Variants in SFSWAP observed in about 807,000 individuals in gnomAD.
The protein encoded by SFSWAP is splicing factor, suppressor of white-apricot homolog.
In SFSWAP, 17 loss-of-function variants were observed where a neutral mutation model predicts 100.7. The observed-to-expected ratio is 0.17, with a 90% CI of 0.12 to 0.25. The LOEUF (loss-of-function observed/expected upper bound fraction) is 0.25, where lower values mean the gene tolerates loss of function less well. SFSWAP is among the 10% of genes least tolerant of loss of function. SFSWAP has a pLI of 1.00. For missense variants in SFSWAP, 1,005 were observed against 1,262.6 expected (o/e 0.80, Z 3.09); for synonymous variants, 504 against 510.1 (o/e 0.99, Z 0.16).
At chr12:131,729,347 T>G (rs1227516342) in intron 7 of SFSWAP, among the ~76,000 whole-genome samples, 1 of 150,844 alleles carries the variant, frequency 6.6e-6, no homozygotes, top group Non-Finnish European at 1.5e-5. Context: ...TGACAAAAAA[T>G]AAAAAAAAAT....
At chr12:131,799,346 CGTT>C in intron 17 of SFSWAP, 74 bp from the exon 18 acceptor site, 1 of 1,458,364 alleles carries the variant, frequency 6.9e-7, no homozygotes, top group Non-Finnish European at 9.6e-7. Flanking sequence ...ACCACCAACT[CGTT>C]GATGAATTTC....
At chr12:131,713,998 A>G in intron 1 of SFSWAP, 73 bp from the exon 2 acceptor site, 4 of 1,065,856 alleles carry the variant, frequency 3.8e-6, no homozygotes, top group Non-Finnish European at 2.8e-6. Context: ...ATATATACAT[A>G]TATAAAACAT....
At chr12:131,762,746 G>A (rs1420922803) in intron 11 of SFSWAP, among the ~76,000 whole-genome samples, 5 of 152,010 alleles carry the variant, frequency 3.3e-5, no homozygotes, top group Admixed American at 6.6e-5. Context: ...GATTACAGGC[G>A]CCCGCCACCA....
At chr12:131,735,735 C>T (rs1344222615) in intron 7 of SFSWAP, among the ~76,000 whole-genome samples, 2 of 152,248 alleles carry the variant, frequency 1.3e-5, no homozygotes, top group Non-Finnish European at 2.9e-5. Flanking sequence ...GTCTGGATTT[C>T]TGTAAAGTGA....
intron 7 of SFSWAP, among the ~76,000 whole-genome samples, chr12:131,746,562 C>T (rs1380997064): frequency 1.3e-5 from 2 of 152,202 alleles, no homozygotes; most frequent in Non-Finnish European, 2.9e-5. Context: ...TTCCTGTGTT[C>T]ATTCCTGTTC....
chr12:131,728,019 T>G (rs1314914605), intron 6 of SFSWAP, among the ~76,000 whole-genome samples: 1 of 152,236 alleles, frequency 6.6e-6, no homozygotes. Context: ...GGTTAGACAT[T>G]CACACTTTAA....
At chr12:131,796,060 G>C (rs1436375869) in intron 15 of SFSWAP, 1 of 117,908 alleles carries the variant, frequency 8.5e-6, no homozygotes, top group Admixed American at 9.3e-5. Flanking sequence ...GGGAGGGGAG[G>C]GGAGGGAAGG....
chr12:131,774,226 C>T (rs941345775), intron 13 of SFSWAP, among the ~76,000 whole-genome samples: 1 of 152,174 alleles, frequency 6.6e-6, no homozygotes, highest in East Asian at 1.9e-4. Flanking sequence ...AGAGCAACGC[C>T]GCAGTGTTGG....
chr12:131,714,613 C>T lies in SFSWAP; in HGVS notation c.389-209C>T, dbSNP rs1165791422. On this transcript the variant is annotated intron_variant, in intron 2 of 17. Coordinates refer to ENST00000261674, the MANE Select transcript of SFSWAP (RefSeq NM_004592.4). The surrounding 1 kb of genome is among the most constrained non-coding windows in gnomAD (Gnocchi z 6.0). ...GCAGGAAGAAATTTTCCACAAAAGA[C>T]GTGTATTCAGCTGTCTGTGGGTAAA... 4 of 552,108 alleles carry T rather than the reference C, an allele frequency of 7.2e-6. No individual in the cohort carries two copies. Among genetic ancestry groups the T allele is most frequent in the African/African-American group, 1.9e-5 (1 of 53,226 alleles). 34.2% of individuals were successfully genotyped at this position (552,108 alleles called of 1,614,324 possible). A position where few individuals can be genotyped will look rare whatever the true frequency, so the allele number is the denominator to read the frequency against.
intron 11 of SFSWAP, among the ~76,000 whole-genome samples, chr12:131,759,719 G>A (rs558592247): frequency 2.6e-5 from 4 of 151,822 alleles, no homozygotes; most frequent in East Asian, 1.9e-4. Context: ...GGAGAATGGC[G>A]TGAACCCGGG....
At chr12:131,760,604 T>C (rs1030236322) in intron 11 of SFSWAP, among the ~76,000 whole-genome samples, 5 of 152,194 alleles carry the variant, frequency 3.3e-5, no homozygotes, top group East Asian at 3.8e-4. Context: ...CCTAGAAACG[T>C]GTTTTACCAA....
chr12:131,728,257 T>A (rs774864277), intron 6 of SFSWAP, 36 bp from the exon 7 acceptor site: 3 of 1,612,912 alleles, frequency 1.9e-6, no homozygotes, highest in Admixed American at 3.3e-5. Context: ...TGGTTCAGAA[T>A]ATTGAATGCT....
chr12:131,758,258 C>T (rs943469325), intron 11 of SFSWAP, among the ~76,000 whole-genome samples: 3 of 152,192 alleles, frequency 2.0e-5, no homozygotes, highest in Admixed American at 6.5e-5. Flanking sequence ...GCCCACAAGG[C>T]TGCTGCCAAC....
intron 3 of SFSWAP, 67 bp downstream of exon 3, chr12:131,715,020 T>TG (rs1877761161): frequency 8.3e-6 from 13 of 1,557,282 alleles, no homozygotes; most frequent in Admixed American, 1.7e-5. Flanking sequence ...GCATGCACCG[T>TG]GGTCCAGTCT....
At position 131,725,729 on chromosome 12, in the gene SFSWAP, A is replaced by T. The variant is rs539296746; in HGVS notation, c.832+99A>T. 5 of 850,052 alleles carry T rather than the reference A, an allele frequency of 5.9e-6. No homozygotes were observed. The African/African-American group carries it at 8.4e-5, about 14-fold the overall frequency. The allele number at this position is 850,052 out of a possible 1,614,324, so 52.7% of individuals were successfully genotyped here. A position where few individuals can be genotyped will look rare whatever the true frequency, so the allele number is the denominator to read the frequency against. ...GAAAAGTGTGAAGATACACATTCTT[A>T]CAGATGCATGGTTGAAAGCCAGACT... On this transcript the variant is annotated intron_variant, in intron 5 of 17. Coordinates refer to ENST00000261674, the MANE Select transcript of SFSWAP (RefSeq NM_004592.4). The surrounding 1 kb of genome is among the most constrained non-coding windows in gnomAD (Gnocchi z 4.3).
Position 131,711,747 on chromosome 12 carries a change from G to A in SFSWAP, c.218+300G>A, listed in dbSNP as rs946994897. 3.1e-5 allele frequency: 12 copies of A among 382,030 alleles called. No homozygotes were observed. The highest frequency in any genetic ancestry group is 9.2e-5 in the South Asian group (3 of 32,524). 23.7% of individuals were successfully genotyped at this position (382,030 alleles called of 1,614,324 possible). On this transcript the variant is annotated intron_variant, in intron 1 of 17. Coordinates refer to ENST00000261674, the MANE Select transcript of SFSWAP (RefSeq NM_004592.4). The surrounding 1 kb of genome is among the most constrained non-coding windows in gnomAD (Gnocchi z 4.9). ...TGGGCTGCAGTTGGCGATTCCGCGC[G>A]GTGAAAGCAGCCAGTGCCCAGGGTC... is the stretch of plus-strand genomic sequence containing the variant.
At chr12:131,729,348 A>T (rs909778616) in intron 7 of SFSWAP, among the ~76,000 whole-genome samples, 40 of 151,620 alleles carry the variant, frequency 2.6e-4, no homozygotes, top group Non-Finnish European at 5.3e-4. Flanking sequence ...GACAAAAAAT[A>T]AAAAAAAATT....
chr12:131,753,517 A>G (rs867709117), intron 8 of SFSWAP, 154 bp downstream of exon 8: 1 of 1,030,956 alleles, frequency 9.7e-7, no homozygotes. Flanking sequence ...CAAGTTACAA[A>G]GTTGACAGGA....
rs187954928 is a variant in SFSWAP, at chr12:131,736,213, A to G, written c.1081+7785A>G. Among the ~76,000 whole-genome samples, 438 of 152,358 alleles carry G rather than the reference A, an allele frequency of 2.9e-3. 1 individual carries two copies. Among genetic ancestry groups the G allele is most frequent in the Non-Finnish European group, 5.1e-3 (344 of 68,034 alleles). ...GGAGAAAAGGAAACACCAAGCTAAC[A>G]GGAAGGGGTGTTCTAAGACACAAAG... On this transcript the variant is annotated intron_variant, in intron 7 of 17. Coordinates refer to ENST00000261674, the MANE Select transcript of SFSWAP (RefSeq NM_004592.4).
Sources: allele counts gnomAD v4.1 joint callset (sites outside exome capture counted in the v4.1 genomes callset), GRCh38; gene constraint gnomAD v4.1.1; non-coding constraint Gnocchi (gnomAD v3.1); transcripts MANE v1.5; gene names NCBI Gene and HGNC (gene_info 2026-07-23, HGNC 2026-07-21).